Variants in NKAIN1 observed in about 807,000 individuals in gnomAD.
The protein encoded by NKAIN1 is sodium/potassium transporting ATPase interacting 1.
NKAIN1 carries 13 observed loss-of-function variants against 31.6 expected under a neutral mutation model. The ratio of observed to expected loss-of-function variants is 0.41; its 90% CI spans 0.27 to 0.65. The LOEUF (loss-of-function observed/expected upper bound fraction) is 0.65. Among genes scored for constraint, NKAIN1 ranks in the 30% least tolerant of loss-of-function variants. The pLI is 0.30. For missense variants in NKAIN1, 193 were observed against 262.2 expected (o/e 0.74, Z 1.82); for synonymous variants, 104 against 109.0 (o/e 0.95, Z 0.28).
At chr1:31,197,598 G>A (rs928711753) in intron 1 of NKAIN1, among the ~76,000 whole-genome samples, 1 of 144,712 alleles carries the variant, frequency 6.9e-6, no homozygotes, top group Non-Finnish European at 1.5e-5. Context: ...CCAGGTTGGA[G>A]TGCAGTGGCG....
At chr1:31,182,103 G>T (rs907989120) in intron 5 of NKAIN1, among the ~76,000 whole-genome samples, 162 bp from the exon 6 acceptor site, 3 of 152,076 alleles carry the variant, frequency 2.0e-5, no homozygotes, top group Admixed American at 6.6e-5. Context: ...CCCGTGCAGG[G>T]CCTGGGGCGG....
At chr1:31,220,691 G>T (rs1481891343) in intron 1 of NKAIN1, among the ~76,000 whole-genome samples, 5 of 144,852 alleles carry the variant, frequency 3.5e-5, no homozygotes, top group Non-Finnish European at 7.4e-5. Context: ...GGAGGTGGAG[G>T]TTGCGGTGAG....
chr1:31,198,911 G>T (rs1170738018), intron 1 of NKAIN1, among the ~76,000 whole-genome samples: 1 of 152,182 alleles, frequency 6.6e-6, no homozygotes, highest in Non-Finnish European at 1.5e-5. Flanking sequence ...AATGCAGATG[G>T]GCCCACCCTA....
At chr1:31,194,736 C>T (rs528370148) in intron 1 of NKAIN1, among the ~76,000 whole-genome samples, 1 of 142,826 alleles carries the variant, frequency 7.0e-6, no homozygotes, top group South Asian at 2.3e-4. Flanking sequence ...ATTTCCTTTC[C>T]TTTTCCTTCC....
At chr1:31,217,124 C>T (rs1250940130) in intron 1 of NKAIN1, among the ~76,000 whole-genome samples, 5 of 151,544 alleles carry the variant, frequency 3.3e-5, no homozygotes, top group Non-Finnish European at 4.4e-5. Context: ...CCTCGGCCTC[C>T]CAAAGTTCTG....
At chr1:31,234,914 C>T (rs765944345) in intron 1 of NKAIN1, among the ~76,000 whole-genome samples, 15 of 152,110 alleles carry the variant, frequency 9.9e-5, no homozygotes, top group African/African-American at 2.2e-4. Flanking sequence ...CTTGGGCAAA[C>T]GTCACACCCC....
In NKAIN1 at chr1:31,209,989, T is replaced by TA. The variant is rs71569969; in HGVS notation, c.55-21803dup. 9.5e-3 allele frequency among the ~76,000 whole-genome samples: 1,302 copies of TA among 137,112 alleles called. 21 individuals are homozygous for TA. The highest frequency in any genetic ancestry group is 0.025 in the African/African-American group (931 of 37,060). 90.0% of individuals were successfully genotyped at this position (137,112 alleles called of 152,430 possible). Reference sequence around the variant, plus strand: ...GCAACAGAGCATGACCCTGTCTTATTAAAAAAAAAAAAAAAAGATAAGAAT... The same window carrying TA: ...GCAACAGAGCATGACCCTGTCTTATTAAAAAAAAAAAAAAAAAGATAAGAAT... On this transcript the variant is annotated intron_variant, in intron 1 of 6. Transcript: ENST00000373736.
At chr1:31,216,169 G>C (rs1296164799) in intron 1 of NKAIN1, among the ~76,000 whole-genome samples, 1 of 151,744 alleles carries the variant, frequency 6.6e-6, no homozygotes, top group Non-Finnish European at 1.5e-5. Context: ...GAACGGAATG[G>C]AACAATCATT....
At chr1:31,215,906 TG>T (rs1026909776) in intron 1 of NKAIN1, among the ~76,000 whole-genome samples, 12 of 152,166 alleles carry the variant, frequency 7.9e-5, no homozygotes, top group African/African-American at 2.7e-4. Flanking sequence ...CAGCACTTTT[TG>T]TGCCCCATGT....
rs542199300 is a variant in NKAIN1 at position 31,234,293 on chromosome 1, C to T, written c.54+5201G>A. 1.4e-3 allele frequency among the ~76,000 whole-genome samples: 215 copies of T among 152,280 alleles called. 1 individual carries two copies. Among genetic ancestry groups the T allele is most frequent in the Non-Finnish European group, 2.2e-3 (152 of 68,024 alleles). On this transcript the variant is annotated intron_variant, in intron 1 of 6. Transcript: ENST00000373736. Reference sequence around the variant, plus strand: ...CAGAACCAGACCCTCCCGAGGAAGCCGTGAGCTTGCAGCTGCAGCTGCTCC... The same window carrying T: ...CAGAACCAGACCCTCCCGAGGAAGCTGTGAGCTTGCAGCTGCAGCTGCTCC...
In NKAIN1 at chr1:31,188,047, T is replaced by C; in HGVS notation, c.192+3A>G. 6.4e-7 allele frequency: 1 copy of C among 1,552,640 alleles called. No homozygotes were observed. The highest frequency in any genetic ancestry group is 8.7e-7 in the Non-Finnish European group (1 of 1,147,634). On this transcript the variant is annotated splice_donor_region_variant and intron_variant, in intron 2 of 6. Coordinates refer to ENST00000373736, the MANE Select transcript of NKAIN1 (RefSeq NM_024522.3). ...GCTTGGGAAGGGGCTAGGTGAGCCG[T>C]ACCAGGATGAGGTACCGGGAGCGGT... is the stretch of plus-strand genomic sequence containing the variant.
chr1:31,202,962 C>A (rs1645394501), intron 1 of NKAIN1, among the ~76,000 whole-genome samples: 1 of 113,160 alleles, frequency 8.8e-6, no homozygotes, highest in Admixed American at 1.2e-4. Flanking sequence ...GGTGACAGAG[C>A]GAGATTCCGT....
chr1:31,229,225 G>C (rs983280750), intron 1 of NKAIN1, among the ~76,000 whole-genome samples: 2 of 152,216 alleles, frequency 1.3e-5, no homozygotes, highest in Admixed American at 6.5e-5. Context: ...GAGTTAGCTA[G>C]AGGCAATTCT....
rs537010646 is a variant in NKAIN1 at position 31,234,769 on chromosome 1, C to T, written c.54+4725G>A. On this transcript the variant is annotated intron_variant, in intron 1 of 6. Transcript: ENST00000373736. ...TCATCTTCATTTTCAGATGAGGAAA[C>T]GCAGGCTTGGACCTGTCTGGGGTCA... Among the ~76,000 whole-genome samples the T allele has an allele frequency of 3.3e-5, 5 of 152,184 alleles. No individual in the cohort carries two copies. In the South Asian group the frequency reaches 8.3e-4, roughly 25 times the overall value.
intron 1 of NKAIN1, among the ~76,000 whole-genome samples, chr1:31,199,308 A>G (rs1645358540): frequency 6.6e-6 from 1 of 152,162 alleles, no homozygotes; most frequent in African/African-American, 2.4e-5. Context: ...TCATTAGTGA[A>G]ATGTCCTGAG....
intron 3 of NKAIN1, among the ~76,000 whole-genome samples, chr1:31,184,503 C>G (rs1198669403): frequency 6.6e-6 from 1 of 152,124 alleles, no homozygotes; most frequent in African/African-American, 2.4e-5. Context: ...GACCAGGGGC[C>G]AAGCACTCAG....
intron 1 of NKAIN1, among the ~76,000 whole-genome samples, chr1:31,236,722 G>A (rs558081446): frequency 1.3e-5 from 2 of 152,290 alleles, no homozygotes; most frequent in African/African-American, 4.8e-5. Context: ...TGCCACCCAG[G>A]TCTCATCTAA....
At chr1:31,215,449 G>C (rs1415029059) in intron 1 of NKAIN1, among the ~76,000 whole-genome samples, 2 of 152,170 alleles carry the variant, frequency 1.3e-5, no homozygotes, top group African/African-American at 4.8e-5. Flanking sequence ...CCCGTGATGT[G>C]GGACTGTTAT....
At position 31,233,429 on chromosome 1, in the gene NKAIN1, G is replaced by C. The variant is rs985046233; in HGVS notation, c.54+6065C>G. Among the ~76,000 whole-genome samples, 2 of 152,162 alleles carry C rather than the reference G, an allele frequency of 1.3e-5. No homozygotes were observed. The highest frequency in any genetic ancestry group is 4.8e-5 in the African/African-American group (2 of 41,432). On this transcript the variant is annotated intron_variant, in intron 1 of 6. Coordinates refer to ENST00000373736, the MANE Select transcript of NKAIN1 (RefSeq NM_024522.3). This position sits in a 1 kb window ranked among gnomAD's most constrained non-coding sequence, Gnocchi z 4.0. Reference sequence around the variant, plus strand: ...CCCACAATACTAGCAGGGGGCAATGGGGCATGCAGGGAGAAGCTGTGGAGT... The same window carrying C: ...CCCACAATACTAGCAGGGGGCAATGCGGCATGCAGGGAGAAGCTGTGGAGT...
Sources: allele counts gnomAD v4.1 joint callset (sites outside exome capture counted in the v4.1 genomes callset), GRCh38; gene constraint gnomAD v4.1.1; non-coding constraint Gnocchi (gnomAD v3.1); transcripts MANE v1.5; gene names NCBI Gene and HGNC (gene_info 2026-07-23, HGNC 2026-07-21).